PEX14: variants seen among roughly 807,000 people sequenced by gnomAD.
PEX14 encodes peroxisomal membrane protein PEX14.
In PEX14, 15 loss-of-function variants were observed where a neutral mutation model predicts 49.5. The ratio of observed to expected loss-of-function variants is 0.30; its 90% CI spans 0.20 to 0.47. PEX14 has a LOEUF of 0.47. Among genes scored for constraint, PEX14 ranks in the 20% least tolerant of loss-of-function variants. The probability of loss-of-function intolerance (pLI) is 1.00; values close to 1 mark genes in which losing one functional copy is unlikely to be tolerated. For missense variants in PEX14, 398 were observed against 494.8 expected, an observed-to-expected ratio of 0.80 and a Z score of 1.86; for synonymous variants, 210 against 212.7, an observed-to-expected ratio of 0.99 and a Z score of 0.11.
At chr1:10,572,576 C>A (rs987471479) in intron 3 of PEX14, among the ~76,000 whole-genome samples, 16 of 152,094 alleles carry the variant, frequency 1.1e-4, no homozygotes, top group African/African-American at 3.9e-4. Flanking sequence ...TTGCTGTCAC[C>A]CAGGCTGGAG....
intron 3 of PEX14, among the ~76,000 whole-genome samples, chr1:10,563,890 G>A (rs954281955): frequency 1.1e-4 from 16 of 150,078 alleles, no homozygotes; most frequent in African/African-American, 3.4e-4. Flanking sequence ...ACAGCCTGGC[G>A]ACAGAGCAAG....
intron 3 of PEX14, among the ~76,000 whole-genome samples, chr1:10,590,573 C>A (rs1640635501): frequency 6.6e-6 from 1 of 152,106 alleles, no homozygotes; most frequent in Non-Finnish European, 1.5e-5. Flanking sequence ...GGGAGGCTCC[C>A]ATTTAACAGG....
chr1:10,554,817 T>C (rs377350081), intron 3 of PEX14, among the ~76,000 whole-genome samples: 2 of 152,054 alleles, frequency 1.3e-5, no homozygotes, highest in East Asian at 3.9e-4. Flanking sequence ...GGGGCTCAAG[T>C]GATCTTCCCA....
chr1:10,576,914 G>A (rs747223116), intron 3 of PEX14, among the ~76,000 whole-genome samples: 5 of 151,522 alleles, frequency 3.3e-5, no homozygotes, highest in African/African-American at 1.2e-4. Flanking sequence ...CACCATGCCC[G>A]GCTAATTTTT....
intron 4 of PEX14, among the ~76,000 whole-genome samples, chr1:10,614,377 C>T (rs1005574984): frequency 2.0e-5 from 3 of 152,066 alleles, no homozygotes; most frequent in Admixed American, 6.5e-5. Context: ...ATGTTCTTAA[C>T]GTGAGCATGG....
intron 2 of PEX14, among the ~76,000 whole-genome samples, chr1:10,507,040 T>C (rs1400755060): frequency 6.6e-6 from 1 of 152,256 alleles, no homozygotes; most frequent in Non-Finnish European, 1.5e-5. Flanking sequence ...CCAGGAGGGC[T>C]TCTACTCTGT....
intron 3 of PEX14, among the ~76,000 whole-genome samples, chr1:10,551,185 CA>C (rs1350789940): frequency 6.6e-6 from 1 of 152,168 alleles, no homozygotes. Flanking sequence ...GCAATCATAT[CA>C]TTTTTTATAG....
chr1:10,596,558 T>A (rs780426749), intron 3 of PEX14, among the ~76,000 whole-genome samples: 7 of 152,160 alleles, frequency 4.6e-5, no homozygotes, highest in Non-Finnish European at 1.0e-4. Flanking sequence ...TGCCATTTGA[T>A]GTTTTGTAAC....
chr1:10,584,700 T>C (rs1380856391), intron 3 of PEX14, among the ~76,000 whole-genome samples: 1 of 152,228 alleles, frequency 6.6e-6, no homozygotes, highest in Middle Eastern at 3.2e-3. Flanking sequence ...TAACAGAATG[T>C]CTTTTAAAAG....
intron 3 of PEX14, among the ~76,000 whole-genome samples, chr1:10,546,775 A>T (rs1232228234): frequency 2.7e-5 from 4 of 149,932 alleles, no homozygotes; most frequent in Non-Finnish European, 5.9e-5. Flanking sequence ...AGGCTGAGGC[A>T]GGAGAATGGC....
In PEX14 at chr1:10,539,035, T is replaced by C. The variant is rs1638921163; in HGVS notation, c.169+2738T>C. Among the ~76,000 whole-genome samples, 1 of 152,198 alleles carries C rather than the reference T, an allele frequency of 6.6e-6. No homozygotes were observed. Among genetic ancestry groups the C allele is most frequent in the African/African-American group, 2.4e-5 (1 of 41,446 alleles). On this transcript the variant is annotated intron_variant, in intron 3 of 8. Coordinates refer to ENST00000356607, the MANE Select transcript of PEX14 (RefSeq NM_004565.3). This position sits in a 1 kb window ranked among gnomAD's most constrained non-coding sequence, Gnocchi z 4.6. Reference sequence around the variant, plus strand: ...TTTTAATATTATTTAATATTTAATATAGAAATTGAGGTCCCTGTAGTGCAT... The same window carrying C: ...TTTTAATATTATTTAATATTTAATACAGAAATTGAGGTCCCTGTAGTGCAT...
chr1:10,599,658 C>T (rs1218184477), intron 4 of PEX14, among the ~76,000 whole-genome samples: 1 of 152,206 alleles, frequency 6.6e-6, no homozygotes, highest in Non-Finnish European at 1.5e-5. Context: ...TGATTCTGTT[C>T]CCATCTCCTC....
rs77256719 is a variant in PEX14, at chr1:10,618,674, C to T, written c.384+257C>T. On this transcript the variant is annotated intron_variant, in intron 5 of 8. Coordinates refer to ENST00000356607, the MANE Select transcript of PEX14 (RefSeq NM_004565.3). ...CCCAGATCTCCACTTGCAGGGGCGTCGTGAGGTCTGTCCCTTGCCAGCCCA... is the reference window on the plus strand; with the variant it reads ...CCCAGATCTCCACTTGCAGGGGCGTTGTGAGGTCTGTCCCTTGCCAGCCCA... 0.016 allele frequency among the ~76,000 whole-genome samples: 2,434 copies of T among 152,346 alleles called. 70 individuals are homozygous for T. The highest frequency in any genetic ancestry group is 0.055 in the African/African-American group (2,282 of 41,580).
Position 10,475,096 on chromosome 1 carries a change from C to G in PEX14, c.36+94C>G, listed in dbSNP as rs1641170747. On this transcript the variant is annotated intron_variant, in intron 1 of 8. Coordinates refer to ENST00000356607, the MANE Select transcript of PEX14 (RefSeq NM_004565.3). ...TGGGAGCCGGGTAGGGACCCCGAGT[C>G]TCCGAAGCTGGGGACCCCGACCTCT... 27 of 1,268,462 alleles carry G rather than the reference C, an allele frequency of 2.1e-5. No homozygotes were observed. In the South Asian group the frequency reaches 3.3e-4, roughly 16 times the overall value. 78.6% of individuals were successfully genotyped at this position (1,268,462 alleles called of 1,614,324 possible).
chr1:10,569,208 GTAAC>G (rs1211660902), intron 3 of PEX14, among the ~76,000 whole-genome samples: 5 of 152,148 alleles, frequency 3.3e-5, no homozygotes, highest in African/African-American at 9.7e-5. Flanking sequence ...TGAAAAGTAT[GTAAC>G]TATTTTTTAC....
chr1:10,623,105 C>T lies in PEX14; in HGVS notation c.471C>T (p.Gly157=). The T allele has an allele frequency of 6.2e-7, 1 of 1,612,646 alleles. No individual in the cohort carries two copies. The highest frequency in any genetic ancestry group is 1.1e-5 in the South Asian group (1 of 90,920). Residue 157 remains glycine (G), a synonymous_variant, in exon 6 of 9, where the codon GGC becomes GGT. Transcript: ENST00000356607. This position sits in a 1 kb window ranked among gnomAD's most constrained non-coding sequence, Gnocchi z 4.4. ...AGGCCGGTCTCTCTGAGCTGAGTGG[C>T]AGCGTGGCCCAGACAGGTAAAGATT... The part of the protein sequence containing the change: ...RMEAGLSELS[G]SVAQTVTQLQ...
At chr1:10,574,825 A>G (rs1640074550) in intron 3 of PEX14, among the ~76,000 whole-genome samples, 1 of 152,144 alleles carries the variant, frequency 6.6e-6, no homozygotes. Context: ...AAAGAAACAG[A>G]ATTGGCCGGG....
rs202051981 is a variant in PEX14, at chr1:10,536,172, T to C, written c.85-41T>C. 258 of 1,166,540 alleles carry C rather than the reference T, an allele frequency of 2.2e-4. 1 individual carries two copies. In the African/African-American group the frequency reaches 2.6e-3, roughly 12 times the overall value. 72.3% of individuals were successfully genotyped at this position (1,166,540 alleles called of 1,614,324 possible). The stretch of plus-strand genomic sequence containing the variant: ...ATTTTTAATCTTGAAATTCAGACTA[T>C]TGAAGTGAAGTTTACTCCTCTATTT... On this transcript the variant is annotated intron_variant, in intron 2 of 8. Transcript: ENST00000356607.
chr1:10,545,256 T>G (rs1357647846), intron 3 of PEX14, among the ~76,000 whole-genome samples: 1 of 152,222 alleles, frequency 6.6e-6, no homozygotes, highest in Non-Finnish European at 1.5e-5. Flanking sequence ...ACATTTGGGT[T>G]GTTTTCAGAT....
Sources: gnomAD v4.1 joint callset for allele counts (sites outside exome capture counted in the v4.1 genomes callset) on GRCh38, gnomAD v4.1.1 for gene constraint, Gnocchi (gnomAD v3.1) non-coding constraint, MANE v1.5 for transcripts, NCBI Gene and HGNC (gene_info 2026-07-23, HGNC 2026-07-21) for gene names.